The following LRRC7 variants were observed in gnomAD, a reference collection of about 807,000 sequenced individuals.
LRRC7 encodes the protein leucine rich repeat containing 7, also known as leucine-rich repeat-containing protein 7.
In LRRC7, 23 loss-of-function variants were observed where a neutral mutation model predicts 175.7. The observed-to-expected ratio is 0.13, with a 90% CI of 0.09 to 0.19. The LOEUF is 0.19. LRRC7 is among the 10% of genes least tolerant of loss of function. The pLI, the probability that LRRC7 is intolerant of heterozygous loss-of-function variation, is 1.00. For missense variants in LRRC7, 1,354 were observed against 1,904.7 expected (o/e 0.71, Z 5.38); for synonymous variants, 685 against 680.9 (o/e 1.01, Z -0.09).
chr1:69,987,694 G>A (rs1227972060), intron 10 of LRRC7, among the ~76,000 whole-genome samples: 2 of 151,830 alleles, frequency 1.3e-5, no homozygotes, highest in Non-Finnish European at 2.9e-5. Context: ...TTGAAGATGA[G>A]GCAATTTTCC....
At chr1:69,631,025 AT>A (rs202188664) in intron 1 of LRRC7, among the ~76,000 whole-genome samples, 4,257 of 150,134 alleles carry the variant, frequency 0.028, 74 homozygotes, top group South Asian at 0.05. Flanking sequence ...TCTTTTTTTC[AT>A]TTTTTTTTAT....
chr1:70,119,268 C>A (rs943940781), intron 26 of LRRC7, among the ~76,000 whole-genome samples: 1 of 152,086 alleles, frequency 6.6e-6, no homozygotes, highest in African/African-American at 2.4e-5. Flanking sequence ...ATGTCCCTCT[C>A]TTCTTTGCCC....
At chr1:70,056,851 TAGTG>T (rs1259235260) in intron 23 of LRRC7, among the ~76,000 whole-genome samples, 1 of 151,928 alleles carries the variant, frequency 6.6e-6, no homozygotes, top group Non-Finnish European at 1.5e-5. Context: ...ACTTTGGAAA[TAGTG>T]AGGGAAAAAT....
At chr1:69,902,635 AAAAGT>A (rs1178759890) in intron 7 of LRRC7, among the ~76,000 whole-genome samples, 1 of 152,222 alleles carries the variant, frequency 6.6e-6, no homozygotes, top group East Asian at 1.9e-4. Context: ...AGTATAGTAC[AAAAGT>A]AAAGAGACTA....
chr1:70,060,650 C>A (rs567694703), intron 23 of LRRC7, among the ~76,000 whole-genome samples: 4 of 152,106 alleles, frequency 2.6e-5, no homozygotes. Flanking sequence ...TGTAAGCAAG[C>A]AAGTCAAGAT....
At chr1:69,680,153 G>T (rs1660293873) in intron 2 of LRRC7, among the ~76,000 whole-genome samples, 1 of 152,076 alleles carries the variant, frequency 6.6e-6, no homozygotes, top group South Asian at 2.1e-4. Flanking sequence ...TGTTAAAAAT[G>T]CAAATTCTAG....
intron 7 of LRRC7, among the ~76,000 whole-genome samples, chr1:69,911,241 T>G (rs1372832974): frequency 6.6e-6 from 1 of 152,234 alleles, no homozygotes; most frequent in Non-Finnish European, 1.5e-5. Context: ...CCTAGTGAGA[T>G]GAACCCAGTA....
chr1:70,037,513 C>A (rs570684847), intron 20 of LRRC7, among the ~76,000 whole-genome samples: 1 of 152,282 alleles, frequency 6.6e-6, no homozygotes, highest in South Asian at 2.1e-4. Context: ...AATATGCTCC[C>A]TATACAATAG....
intron 18 of LRRC7, chr1:70,031,248 A>G (rs907017629): frequency 7.9e-5 from 12 of 152,206 alleles, no homozygotes; most frequent in African/African-American, 2.9e-4. Context: ...AGCAAAATAA[A>G]TATTTGTTGA....
intron 25 of LRRC7, among the ~76,000 whole-genome samples, chr1:70,096,256 CG>C (rs1305226619): frequency 6.6e-6 from 1 of 152,184 alleles, no homozygotes. Flanking sequence ...GGATTACAGG[CG>C]TGAGCCACCG....
chr1:69,978,932 GA>G (rs3069189), intron 8 of LRRC7, among the ~76,000 whole-genome samples: 68,941 of 125,990 alleles, frequency 0.55, 16,962 homozygotes, highest in Middle Eastern at 0.64. Context: ...GTTTCAGTTA[GA>G]AAAAAAAAAA....
At chr1:69,747,387 G>T (rs1174100263) in intron 2 of LRRC7, among the ~76,000 whole-genome samples, 1 of 152,180 alleles carries the variant, frequency 6.6e-6, no homozygotes, top group Non-Finnish European at 1.5e-5. Context: ...GGTCCCAGAG[G>T]AGACTGATGT....
At chr1:70,007,924 A>G (rs538366319) in intron 11 of LRRC7, among the ~76,000 whole-genome samples, 1 of 152,148 alleles carries the variant, frequency 6.6e-6, no homozygotes, top group South Asian at 2.1e-4. Context: ...ATGGGCAACT[A>G]TTTCTTGTAT....
At chr1:69,657,110 G>T (rs562107117) in intron 1 of LRRC7, among the ~76,000 whole-genome samples, 10,481 of 151,152 alleles carry the variant, frequency 0.069, 463 homozygotes, top group African/African-American at 0.12. Context: ...TACTTATATT[G>T]TGTGTGTGTG....
chr1:69,886,870 C>G (rs1399645578), intron 7 of LRRC7, among the ~76,000 whole-genome samples: 1 of 151,150 alleles, frequency 6.6e-6, no homozygotes, highest in Non-Finnish European at 1.5e-5. Flanking sequence ...TTCTCCTTCA[C>G]TTATGAAGCT....
rs202243473 is a variant in LRRC7, at chr1:69,939,035, ATATATC to A, written c.711+7475_711+7480del. On this transcript the variant is annotated intron_variant, in intron 8 of 26. Transcript: ENST00000651989. Reference sequence around the variant, plus strand: ...TATATCTATATATATATATATCTATATATATCTATATCTATCTCACAGACATTGCCA... The same window carrying A: ...TATATCTATATATATATATATCTATATATATCTATCTCACAGACATTGCCA... Among the ~76,000 whole-genome samples the A allele has an allele frequency of 2.0e-4, 20 of 97,620 alleles. 1 individual carries two copies. Among genetic ancestry groups the A allele is most frequent in the African/African-American group, 6.0e-4 (17 of 28,106 alleles). The allele number at this position is 97,620 out of a possible 152,430, so 64.0% of individuals were successfully genotyped here.
intron 18 of LRRC7, among the ~76,000 whole-genome samples, chr1:70,035,310 C>A (rs1659188687): frequency 1.3e-5 from 2 of 152,036 alleles, no homozygotes; most frequent in African/African-American, 4.8e-5. Flanking sequence ...TGCTCTCCAC[C>A]CTGCCTGGTT....
chr1:69,596,133 T>C, intron 1 of LRRC7, among the ~76,000 whole-genome samples: 1 of 152,090 alleles, frequency 6.6e-6, no homozygotes, highest in Non-Finnish European at 1.5e-5. Context: ...TTGTTTTCTG[T>C]TCACAGGCAA....
chr1:69,824,745 T>C (rs1008757097), intron 4 of LRRC7, among the ~76,000 whole-genome samples: 6 of 152,262 alleles, frequency 3.9e-5, no homozygotes, highest in East Asian at 1.9e-4. Flanking sequence ...AGTTCAATTA[T>C]ATCCTGCCAC....
Sources: allele counts gnomAD v4.1 joint callset (sites outside exome capture counted in the v4.1 genomes callset), GRCh38; gene constraint gnomAD v4.1.1; transcripts MANE v1.5; gene names NCBI Gene and HGNC (gene_info 2026-07-23, HGNC 2026-07-21).